ELFN2: variants seen among roughly 807,000 people sequenced by gnomAD.
The protein encoded by ELFN2 is extracellular leucine rich repeat and fibronectin type III domain containing 2.
Under a neutral mutation model 45.5 loss-of-function variants are expected in ELFN2, and 17 were observed. The ratio of observed to expected loss-of-function variants is 0.37; its 90% CI spans 0.26 to 0.56. ELFN2 has a LOEUF of 0.56. ELFN2 is among the 20% of genes least tolerant of loss of function. The probability of loss-of-function intolerance (pLI) is 0.77; values close to 1 mark genes in which losing one functional copy is unlikely to be tolerated. For synonymous variants in ELFN2, 550 were observed against 551.5 expected (o/e 1.00, Z 0.04); for missense variants, 922 against 1,183.2 (o/e 0.78, Z 3.24).
chr22:37,427,071 CCA>C (rs1224920520), intron 1 of ELFN2: 2 of 153,048 alleles, frequency 1.3e-5, no homozygotes, highest in African/African-American at 4.8e-5. Context: ...CCGCCCACCG[CCA>C]CCACCACCAC....
chr22:37,384,661 ACCTGAC>A (rs1324227284), intron 2 of ELFN2, among the ~76,000 whole-genome samples: 5 of 9,560 alleles, frequency 5.2e-4, no homozygotes, highest in African/African-American at 4.0e-4. Context: ...GCCTCTCCCC[ACCTGAC>A]CCCGCTTCCC....
intron 1 of ELFN2, among the ~76,000 whole-genome samples, chr22:37,350,762 C>T (rs991170513): frequency 2.0e-5 from 3 of 150,498 alleles, no homozygotes; most frequent in African/African-American, 7.3e-5. Flanking sequence ...GGGCAGCCAC[C>T]GAGAGGGGCC....
At chr22:37,411,532 G>C (rs961925137) in intron 2 of ELFN2, among the ~76,000 whole-genome samples, 2 of 152,184 alleles carry the variant, frequency 1.3e-5, no homozygotes, top group Non-Finnish European at 2.9e-5. Flanking sequence ...GCTGTCCTTT[G>C]CCTGAGGTCC....
At chr22:37,411,731 C>T (rs1286157365) in intron 2 of ELFN2, among the ~76,000 whole-genome samples, 4 of 152,204 alleles carry the variant, frequency 2.6e-5, no homozygotes, top group Admixed American at 1.3e-4. Context: ...GCTTCTCACG[C>T]AGCCCCTGGC....
intron 2 of ELFN2, among the ~76,000 whole-genome samples, chr22:37,416,293 G>C (rs1185002244): frequency 1.3e-5 from 2 of 152,220 alleles, no homozygotes; most frequent in Non-Finnish European, 2.9e-5. Flanking sequence ...CAGGGAAGGA[G>C]TTAGGCCTGC....
intron 2 of ELFN2, among the ~76,000 whole-genome samples, chr22:37,392,614 G>A (rs1255241321): frequency 6.6e-6 from 1 of 152,144 alleles, no homozygotes; most frequent in Admixed American, 6.5e-5. Flanking sequence ...CACCGCGCCC[G>A]GCCAGAACCA....
At chr22:37,404,277 G>C (rs1932441409) in intron 2 of ELFN2, among the ~76,000 whole-genome samples, 1 of 152,196 alleles carries the variant, frequency 6.6e-6, no homozygotes, top group Admixed American at 6.5e-5. Context: ...CCAGCGGCCT[G>C]TGAGGAGGCT....
chr22:37,361,686 A>T (rs540555103), intron 1 of ELFN2, among the ~76,000 whole-genome samples: 11 of 152,294 alleles, frequency 7.2e-5, no homozygotes, highest in African/African-American at 2.6e-4. Flanking sequence ...CCTGGGCGTG[A>T]GTACAAAGGG....
intron 2 of ELFN2, among the ~76,000 whole-genome samples, chr22:37,388,837 C>T (rs561671397): frequency 6.6e-6 from 1 of 152,332 alleles, no homozygotes; most frequent in Non-Finnish European, 1.5e-5. Context: ...AAACTCAGGT[C>T]TTGGAGAAAG....
rs546742292 is a variant in ELFN2 at position 37,417,941 on chromosome 22, AG to A, written c.-613-23del. The A allele has an allele frequency of 3.6e-4, 43 of 120,512 alleles. No homozygotes were observed. Among genetic ancestry groups the A allele is most frequent in the African/African-American group, 1.3e-3 (42 of 31,892 alleles). The allele number at this position is 120,512 out of a possible 1,614,324, so 7.5% of individuals were successfully genotyped here. On this transcript the variant is annotated intron_variant, in intron 1 of 2. Coordinates refer to ENST00000402918, the MANE Select transcript of ELFN2 (RefSeq NM_052906.5). The surrounding 1 kb of genome is among the most constrained non-coding windows in gnomAD (Gnocchi z 4.5). ...CCTTCTGCAGGGAGGCGAGGGGGAG[AG>A]AGGGGAGGGAGGGAGAGAAGGGGAG...
At chr22:37,385,591 T>C (rs887201574) in intron 2 of ELFN2, among the ~76,000 whole-genome samples, 3 of 152,138 alleles carry the variant, frequency 2.0e-5, no homozygotes, top group Non-Finnish European at 4.4e-5. Flanking sequence ...CTGGTTTAGG[T>C]GGCCAGCTGA....
intron 1 of ELFN2, among the ~76,000 whole-genome samples, chr22:37,344,526 C>T (rs914584167): frequency 1.3e-5 from 2 of 152,000 alleles, no homozygotes; most frequent in African/African-American, 4.8e-5. Context: ...ACACAGGTGG[C>T]CTTCCTGGTC....
chr22:37,352,639 G>C (rs1278692815), intron 1 of ELFN2, among the ~76,000 whole-genome samples: 1 of 150,632 alleles, frequency 6.6e-6, no homozygotes, highest in African/African-American at 2.4e-5. Flanking sequence ...TACCATTCTA[G>C]ATGGAGGCGG....
chr22:37,357,523 G>A (rs1930979819), intron 1 of ELFN2, among the ~76,000 whole-genome samples: 2 of 151,920 alleles, frequency 1.3e-5, no homozygotes, highest in Admixed American at 6.6e-5. Flanking sequence ...CTGATTTTTA[G>A]CCACACTTCT....
rs1569132355 is a variant in ELFN2, at chr22:37,374,401, G to C, written c.1134C>G (p.Thr378=). Residue 378 remains threonine (T), a synonymous_variant, in exon 3 of 3, where the codon ACC becomes ACG. Coordinates refer to ENST00000402918, the MANE Select transcript of ELFN2 (RefSeq NM_052906.5). ...RRFNHTCLTF[T]TRDPVPGDLA... is the part of the protein sequence containing the mutation. ...AGTCTCCGGGGACGGGGTCCCGCGT[G>C]GTGAAGGTCAGGCAGGTGTGGTTGA... is the stretch of plus-strand genomic sequence containing the variant. 1 of 1,613,920 alleles carries C rather than the reference G, an allele frequency of 6.2e-7. No homozygotes were observed. Among genetic ancestry groups the C allele is most frequent in the Admixed American group, 1.7e-5 (1 of 60,026 alleles).
chr22:37,379,335 A>T (rs907484354), intron 2 of ELFN2, among the ~76,000 whole-genome samples: 1 of 152,140 alleles, frequency 6.6e-6, no homozygotes, highest in Non-Finnish European at 1.5e-5. Flanking sequence ...AGAGGGGAGC[A>T]GTGGAAGCAG....
downstream of ELFN2, among the ~76,000 whole-genome samples, chr22:37,364,089 T>G (rs1228431476): frequency 6.6e-6 from 1 of 152,128 alleles, no homozygotes; most frequent in South Asian, 2.1e-4. Flanking sequence ...GAACTCAGAA[T>G]TGGATTCCCC....
Position 37,374,545 on chromosome 22 carries a change from G to C in ELFN2, c.990C>G (p.Asn330Lys), listed in dbSNP as rs1482745392. 6.2e-7 allele frequency: 1 copy of C among 1,614,124 alleles called. No homozygotes were observed. The highest frequency in any genetic ancestry group is 8.5e-7 in the Non-Finnish European group (1 of 1,180,050). Residue 330 changes from asparagine to lysine, a missense_variant, in exon 3 of 3, where the codon AAC becomes AAG. Transcript: ENST00000402918. ...SKMYILVQYN[N>K]SYFSDVMTLK... is the part of the protein sequence containing the mutation. The stretch of plus-strand genomic sequence containing the variant: ...GGGTCATGACGTCGGAGAAGTAGCT[G>C]TTGTTGTACTGCACGAGGATGTACA...
At chr22:37,399,253 G>A (rs1169303349) in intron 2 of ELFN2, among the ~76,000 whole-genome samples, 1 of 152,140 alleles carries the variant, frequency 6.6e-6, no homozygotes, top group Admixed American at 6.5e-5. Flanking sequence ...AGGACTCAAA[G>A]CTGCCTCCTA....
Sources: allele counts gnomAD v4.1 joint callset (sites outside exome capture counted in the v4.1 genomes callset), GRCh38; gene constraint gnomAD v4.1.1; non-coding constraint Gnocchi (gnomAD v3.1); transcripts MANE v1.5; gene names NCBI Gene and HGNC (gene_info 2026-07-23, HGNC 2026-07-21).